ARHGEF28: variants seen among roughly 807,000 people sequenced by gnomAD.
The protein encoded by ARHGEF28 is Rho guanine nucleotide exchange factor 28, also known as 190 kDa guanine nucleotide exchange factor.
Under a neutral mutation model 206.6 loss-of-function variants are expected in ARHGEF28, and 152 were observed. The ratio of observed to expected loss-of-function variants is 0.74; its 90% confidence interval spans 0.64 to 0.84. The LOEUF is 0.84. Ranked by LOEUF, ARHGEF28 falls within the 40% of genes least tolerant of loss-of-function variation. The probability of loss-of-function intolerance (pLI) is 0.00; values close to 1 mark genes in which losing one functional copy is unlikely to be tolerated. For missense variants in ARHGEF28, 2,028 were observed against 2,073.2 expected (o/e 0.98, Z 0.42); for synonymous variants, 763 against 776.4 (o/e 0.98, Z 0.29).
intron 1 of ARHGEF28, among the ~76,000 whole-genome samples, chr5:73,633,224 C>A (rs957272088): frequency 1.3e-5 from 2 of 152,174 alleles, no homozygotes; most frequent in Non-Finnish European, 2.9e-5. Context: ...CTCTTGCGTA[C>A]TGCTCAACTC....
chr5:73,706,343 C>CAAAACAACAACAACA, intron 2 of ARHGEF28, among the ~76,000 whole-genome samples: 1 of 151,370 alleles, frequency 6.6e-6, no homozygotes, highest in South Asian at 2.1e-4. Context: ...GACTCTGTCT[C>CAAAACAACAACAACA]AAAACAACAA....
chr5:73,669,229 A>C (rs1448291690), intron 1 of ARHGEF28, among the ~76,000 whole-genome samples: 1 of 152,216 alleles, frequency 6.6e-6, no homozygotes, highest in African/African-American at 2.4e-5. Context: ...AAGTTCTAAA[A>C]ATGTTTTCAG....
chr5:73,863,682 AT>A lies in ARHGEF28; in HGVS notation c.2048-1132del, dbSNP rs995860499. Among the ~76,000 whole-genome samples the A allele has an allele frequency of 1.2e-4, 18 of 149,438 alleles. No individual in the cohort carries two copies. In the Admixed American group the frequency reaches 1.2e-3, roughly 10 times the overall value. On this transcript the variant is annotated intron_variant, in intron 16 of 35. Coordinates refer to ENST00000513042, the MANE Select transcript of ARHGEF28 (RefSeq NM_001177693.2). ...TTCAAGTATCTAAAGTTTCTTTCCT[AT>A]TTCTGGATCTAGTATTCAGTGGTTG...
chr5:73,846,204 A>G, intron 11 of ARHGEF28, 64 bp from the exon 12 acceptor site: 3 of 1,478,428 alleles, frequency 2.0e-6, no homozygotes, highest in Non-Finnish European at 1.9e-6. Flanking sequence ...TCAGAGAAGT[A>G]GAAACCAATG....
intron 10 of ARHGEF28, among the ~76,000 whole-genome samples, chr5:73,840,041 A>G (rs1470760331): frequency 3.3e-5 from 5 of 152,224 alleles, no homozygotes; most frequent in African/African-American, 4.8e-5. Flanking sequence ...TAAAGGAACA[A>G]CCTTATAAAA....
In ARHGEF28 at chr5:73,876,894, T is replaced by G. The variant is rs938475374; in HGVS notation, c.2814+3648T>G. On this transcript the variant is annotated intron_variant, in intron 22 of 35. Coordinates refer to ENST00000513042, the MANE Select transcript of ARHGEF28 (RefSeq NM_001177693.2). Reference sequence around the variant, plus strand: ...GGTCTAAAATTCTCTTTTTTGGTTGTGTCTCTGCCAGGCTTTGGTATCAGG... The same window carrying G: ...GGTCTAAAATTCTCTTTTTTGGTTGGGTCTCTGCCAGGCTTTGGTATCAGG... 5.0e-4 allele frequency among the ~76,000 whole-genome samples: 74 copies of G among 146,980 alleles called. 2 individuals carry two copies. The highest frequency in any genetic ancestry group is 3.4e-3 in the Middle Eastern group (1 of 292).
chr5:73,652,870 A>G (rs1744922307), intron 1 of ARHGEF28, among the ~76,000 whole-genome samples: 1 of 152,174 alleles, frequency 6.6e-6, no homozygotes, highest in Non-Finnish European at 1.5e-5. Context: ...GGGCAGATGG[A>G]GGAACCCAAA....
At chr5:73,845,469 C>G (rs540400635) in intron 11 of ARHGEF28, among the ~76,000 whole-genome samples, 1 of 152,026 alleles carries the variant, frequency 6.6e-6, no homozygotes, top group Non-Finnish European at 1.5e-5. Flanking sequence ...TCTGCCCTCC[C>G]GAGCTTCCCA....
In ARHGEF28 at chr5:73,656,725, C is replaced by G. The variant is rs1019957383; in HGVS notation, c.-11-28116C>G. Among the ~76,000 whole-genome samples the G allele has an allele frequency of 9.2e-5, 14 of 152,144 alleles. No homozygotes were observed. The East Asian group carries it at 1.7e-3, about 19-fold the overall frequency. Reference sequence around the variant, plus strand: ...CTCAGCTCAGAACCCTCAAATGGATCCTCTGCATACTCAGAAGAAAAGTCA... The same window carrying G: ...CTCAGCTCAGAACCCTCAAATGGATGCTCTGCATACTCAGAAGAAAAGTCA... On this transcript the variant is annotated intron_variant, in intron 1 of 35. Transcript: ENST00000513042.
chr5:73,803,623 C>T (rs79397109), intron 9 of ARHGEF28: 8,248 of 156,960 alleles, frequency 0.053, 294 homozygotes, highest in African/African-American at 0.096. Flanking sequence ...GCCTGAGCCA[C>T]CACCTCTGCC....
chr5:73,847,659 T>A (rs1321197351), intron 12 of ARHGEF28, among the ~76,000 whole-genome samples: 1 of 152,244 alleles, frequency 6.6e-6, no homozygotes, highest in Non-Finnish European at 1.5e-5. Flanking sequence ...TTCATGTTGC[T>A]CATTTTTAGG....
At chr5:73,893,817 C>T (rs1048237373) in intron 28 of ARHGEF28, among the ~76,000 whole-genome samples, 1 of 152,196 alleles carries the variant, frequency 6.6e-6, no homozygotes, top group Non-Finnish European at 1.5e-5. Context: ...GTTTTCAGCT[C>T]TCCCAAGGTG....
chr5:73,940,542 C>T (rs1358612070), intron 35 of ARHGEF28, among the ~76,000 whole-genome samples: 1 of 152,154 alleles, frequency 6.6e-6, no homozygotes, highest in East Asian at 1.9e-4. Context: ...ATTTCCATGA[C>T]TTTCACCCAT....
chr5:73,855,016 T>G (rs1758929902), intron 14 of ARHGEF28, among the ~76,000 whole-genome samples: 1 of 152,208 alleles, frequency 6.6e-6, no homozygotes, highest in Non-Finnish European at 1.5e-5. Context: ...AACTTTATTG[T>G]GAGTGATGCT....
intron 2 of ARHGEF28, among the ~76,000 whole-genome samples, chr5:73,726,166 G>A (rs558227312): frequency 7.4e-4 from 112 of 152,286 alleles, no homozygotes; most frequent in African/African-American, 2.2e-3. Flanking sequence ...ATGTGTGCCT[G>A]TGTGTGCACA....
intron 2 of ARHGEF28, among the ~76,000 whole-genome samples, chr5:73,727,185 G>A (rs1400608361): frequency 2.0e-5 from 3 of 152,130 alleles, no homozygotes; most frequent in Non-Finnish European, 4.4e-5. Context: ...TTCAGATTAG[G>A]CATCAGGAAG....
intron 2 of ARHGEF28, among the ~76,000 whole-genome samples, chr5:73,737,524 T>TTTCTTTTCTTTTCTG (rs1386380021): frequency 6.8e-6 from 1 of 146,266 alleles, no homozygotes; most frequent in African/African-American, 2.6e-5. Flanking sequence ...TTTCTTTTCT[T>TTTCTTTTCTTTTCTG]TTTTGTGATG....
At chr5:73,858,284 G>T in intron 16 of ARHGEF28, 65 bp downstream of exon 16, 1 of 1,503,740 alleles carries the variant, frequency 6.7e-7, no homozygotes, top group South Asian at 1.4e-5. Context: ...TTGGGAAGAG[G>T]CTCATTGCTC....
At chr5:73,777,584 TCAAA>T (rs1753611324) in intron 6 of ARHGEF28, among the ~76,000 whole-genome samples, 3 of 152,224 alleles carry the variant, frequency 2.0e-5, no homozygotes, top group African/African-American at 4.8e-5. Context: ...ACATTATGTA[TCAAA>T]CAAAGATTAT....
Sources: gnomAD v4.1 joint callset for allele counts (sites outside exome capture counted in the v4.1 genomes callset) on GRCh38, gnomAD v4.1.1 for gene constraint, MANE v1.5 for transcripts, NCBI Gene and HGNC (gene_info 2026-07-23, HGNC 2026-07-21) for gene names.